Variants in KDM6A observed in about 807,000 individuals in gnomAD.
KDM6A encodes the protein lysine-specific demethylase 6A.
A neutral mutation model predicts 117.6 loss-of-function variants in KDM6A; 11 were observed. The ratio of observed to expected loss-of-function variants is 0.09; its 90% CI spans 0.06 to 0.15. The LOEUF (loss-of-function observed/expected upper bound fraction) is 0.15. Among genes scored for constraint, KDM6A ranks in the 10% least tolerant of loss-of-function variants. KDM6A has a pLI of 1.00. For synonymous variants in KDM6A, 384 were observed against 396.1 expected (o/e 0.97, Z 0.36); for missense variants, 799 against 1,077.3 (o/e 0.74, Z 3.62).
intron 27 of KDM6A, among the ~76,000 whole-genome samples, chrX:45,093,850 A>G (rs1282446605): frequency 9.0e-6 from 1 of 111,436 alleles, no homozygotes; most frequent in Non-Finnish European, 1.9e-5. Flanking sequence ...TTTTCTACTT[A>G]TAATTTATAG....
intron 2 of KDM6A, among the ~76,000 whole-genome samples, chrX:44,955,677 C>T (rs940299076): frequency 1.4e-4 from 15 of 110,861 alleles, no homozygotes; most frequent in African/African-American, 4.9e-4. Flanking sequence ...AATATTTATC[C>T]CCATTAGGTT....
In KDM6A at chrX:45,059,430, T is replaced by A. The variant is rs1249453502; in HGVS notation, c.1158T>A (p.Asn386Lys). 1 of 1,209,568 alleles carries A rather than the reference T, an allele frequency of 8.3e-7. No homozygotes were observed. The highest frequency in any genetic ancestry group is 2.2e-5 in the Admixed American group (1 of 45,969). Residue 386 changes from asparagine (N) to lysine (K), a missense_variant, in exon 12 of 30, where the codon AAT (asparagine) becomes AAA (lysine). By Grantham distance (94) the Asn-to-Lys change is moderately conservative. Around this residue, in one of 8 missense-constraint regions of KDM6A, gnomAD observed 36 missense variants for 44.4 expected, o/e 0.81. Coordinates refer to ENST00000611820, the MANE Select transcript of KDM6A (RefSeq NM_001291415.2). Reference protein sequence around the residue: ...LNATRSKSCSNTSALAARIKY... With the variant: ...LNATRSKSCSKTSALAARIKY... Reference sequence around the variant, plus strand: ...CAACTAGAAGCAAAAGTTGTAGTAATACCTCTGCACTTGCAGCACGAATTA... The same window carrying A: ...CAACTAGAAGCAAAAGTTGTAGTAAAACCTCTGCACTTGCAGCACGAATTA...
rs375818351 is a variant in KDM6A at position 44,972,907 on chromosome X, C to T, written c.335-1759C>T. The stretch of plus-strand genomic sequence containing the variant: ...AAAATTAGCTGGGCATGGTGGCACG[C>T]GCCTGTAATCCCAGCTACTCAGGAG... On this transcript the variant is annotated intron_variant, in intron 3 of 29. Coordinates refer to ENST00000611820, the MANE Select transcript of KDM6A (RefSeq NM_001291415.2). 3.8e-4 allele frequency among the ~76,000 whole-genome samples: 42 copies of T among 109,797 alleles called. No individual in the cohort carries two copies. The East Asian group carries it at 8.0e-3, about 21-fold the overall frequency.
At chrX:44,976,946 A>G (rs1227151405) in intron 4 of KDM6A, among the ~76,000 whole-genome samples, 1 of 111,704 alleles carries the variant, frequency 9.0e-6, no homozygotes, top group East Asian at 2.8e-4. Flanking sequence ...CATCCCTGCC[A>G]GTAATGTGTG....
intron 4 of KDM6A, among the ~76,000 whole-genome samples, chrX:45,000,219 TGTA>T (rs1022251953): frequency 2.5e-4 from 28 of 112,409 alleles, no homozygotes; most frequent in African/African-American, 8.7e-4. Flanking sequence ...TATTGTTGGT[TGTA>T]GTAGATGTGG....
intron 2 of KDM6A, among the ~76,000 whole-genome samples, chrX:44,932,009 C>G (rs1268047019): frequency 1.9e-5 from 2 of 102,871 alleles, no homozygotes; most frequent in South Asian, 4.5e-4. Flanking sequence ...GAAGAGCTTG[C>G]TTGAATATTC....
At chrX:44,922,027 CCTTTTTTTTTTTTTTTTTTTTTTT>C (rs1172361466) in intron 2 of KDM6A, among the ~76,000 whole-genome samples, 11 of 37,714 alleles carry the variant, frequency 2.9e-4, no homozygotes, top group East Asian at 3.4e-3. Context: ...ATTGTGTGTG[CCTTTTTTTTTTTTTTTTTTTTTTT>C]TTTTTTTTTT....
chrX:45,111,962 T>C lies in KDM6A; in HGVS notation c.*551T>C, dbSNP rs1385512959. On this transcript the variant is annotated 3_prime_UTR_variant, in exon 30 of 30. Coordinates refer to ENST00000611820, the MANE Select transcript of KDM6A (RefSeq NM_001291415.2). Reference sequence around the variant, plus strand: ...TGGTTCCTAAATAAAATTTAAAAAATTAACAGCCAAGTCACAAAGGTAATG... The same window carrying C: ...TGGTTCCTAAATAAAATTTAAAAAACTAACAGCCAAGTCACAAAGGTAATG... 5.9e-6 allele frequency: 1 copy of C among 169,661 alleles called. No homozygotes were observed. The highest frequency in any genetic ancestry group is 1.1e-5 in the Non-Finnish European group (1 of 88,744). The allele number at this position is 169,661 out of a possible 1,213,427, so 14.0% of individuals were successfully genotyped here.
At chrX:44,979,751 C>A (rs1215927328) in intron 4 of KDM6A, among the ~76,000 whole-genome samples, 1 of 109,463 alleles carries the variant, frequency 9.1e-6, no homozygotes, top group East Asian at 2.9e-4. Flanking sequence ...CAGTGGTCCC[C>A]CCACCCCCTA....
rs1057087818 is a variant in KDM6A at position 44,883,871 on chromosome X, G to T, written c.225+9884G>T. Among the ~76,000 whole-genome samples, 4 of 110,758 alleles carry T rather than the reference G, an allele frequency of 3.6e-5. No individual in the cohort carries two copies. In the Admixed American group the frequency reaches 3.9e-4, roughly 11 times the overall value. ...TAATCCCAGCACTTTGGGAGGCCGA[G>T]GCTGGTGGATCACCTGAGGTCGGGA... On this transcript the variant is annotated intron_variant, in intron 2 of 29. Coordinates refer to ENST00000611820, the MANE Select transcript of KDM6A (RefSeq NM_001291415.2).
rs1006478186 is a variant in KDM6A, at chrX:44,875,836, C to T, written c.225+1849C>T. On this transcript the variant is annotated intron_variant, in intron 2 of 29. Transcript: ENST00000611820. ...TTTTATGTTGAGAATGTGTAAAATG[C>T]TAGTTGATTTTATGTCTTAGAATGC... Among the ~76,000 whole-genome samples the T allele has an allele frequency of 6.3e-5, 7 of 111,540 alleles. No homozygotes were observed. In the South Asian group the frequency reaches 1.5e-3, roughly 23 times the overall value.
At chrX:45,061,060 T>C (rs1436353767) in intron 14 of KDM6A, among the ~76,000 whole-genome samples, 1 of 111,374 alleles carries the variant, frequency 9.0e-6, no homozygotes, top group Non-Finnish European at 1.9e-5. Flanking sequence ...TAGTGGACAG[T>C]GTGGTGTTTA....
intron 4 of KDM6A, among the ~76,000 whole-genome samples, chrX:45,003,697 ATC>A (rs754445669): frequency 9.4e-6 from 1 of 106,073 alleles, no homozygotes; most frequent in East Asian, 3.0e-4. Context: ...TTTACTACTT[ATC>A]TCTCTCTCTC....
chrX:45,051,646 A>G (rs1321720526), intron 8 of KDM6A, 63 bp from the exon 9 acceptor site: 2 of 615,889 alleles, frequency 3.2e-6, no homozygotes, highest in African/African-American at 4.5e-5. Context: ...AATTCTTAAT[A>G]TATGAAGTAG....
intron 2 of KDM6A, among the ~76,000 whole-genome samples, chrX:44,897,044 A>G (rs1175738698): frequency 9.1e-6 from 1 of 109,847 alleles, no homozygotes; most frequent in Non-Finnish European, 1.9e-5. Context: ...ATATCTTTGA[A>G]TACTTTTTCA....
chrX:45,001,601 G>C (rs1375327863), intron 4 of KDM6A, among the ~76,000 whole-genome samples: 12 of 111,758 alleles, frequency 1.1e-4, no homozygotes, highest in Non-Finnish European at 2.3e-4. Context: ...GGTATAACAA[G>C]GCAAGCATCA....
chrX:44,946,369 G>A (rs777552886), intron 2 of KDM6A, among the ~76,000 whole-genome samples: 1 of 111,959 alleles, frequency 8.9e-6, no homozygotes, highest in East Asian at 2.8e-4. Context: ...GGGATTACAG[G>A]TGTGAACCAC....
chrX:45,062,838 T>C (rs1301571770), intron 16 of KDM6A, 90 bp downstream of exon 16: 9 of 585,008 alleles, frequency 1.5e-5, no homozygotes, highest in Non-Finnish European at 2.3e-5. Context: ...TTTATGTTCA[T>C]TTTTACTTTC....
At chrX:45,074,817 A>C (rs1210090322) in intron 18 of KDM6A, among the ~76,000 whole-genome samples, 1 of 111,642 alleles carries the variant, frequency 9.0e-6, no homozygotes, top group Non-Finnish European at 1.9e-5. Flanking sequence ...TTCTATTTTA[A>C]AATATTGGCA....
Sources: allele counts gnomAD v4.1 joint callset (sites outside exome capture counted in the v4.1 genomes callset), GRCh38; gene constraint gnomAD v4.1.1; regional missense constraint gnomAD v4.1.1; transcripts MANE v1.5; gene names NCBI Gene and HGNC (gene_info 2026-07-23, HGNC 2026-07-21).